The following DGKI variants were observed in gnomAD, a reference collection of about 807,000 sequenced individuals.
DGKI encodes the protein diacylglycerol kinase iota, also known as DAG kinase iota.
DGKI carries 55 observed loss-of-function variants against 147.5 expected under a neutral mutation model. The ratio of observed to expected loss-of-function variants is 0.37; its 90% CI spans 0.30 to 0.47. DGKI has a LOEUF of 0.47. Ranked by LOEUF, DGKI falls within the 20% of genes least tolerant of loss-of-function variation. DGKI has a pLI of 1.00. For missense variants in DGKI, 1,007 were observed against 1,323.8 expected (o/e 0.76, Z 3.71); for synonymous variants, 469 against 477.1 (o/e 0.98, Z 0.22).
chr7:137,577,227 C>T lies in DGKI; in HGVS notation c.1756G>A (p.Val586Ile). The stretch of plus-strand genomic sequence containing the variant: ...TCAACATATTCAATACTTACAACAA[C>T]TTTAACATGTTTGGATAGATCTCTA... ...SSRDLSKHVK[V>I]VCDGTDLTPK... is the part of the protein sequence containing the mutation. The change falls in exon 17 of 33, where the codon GTT becomes ATT. Residue 586 changes from valine (V) to isoleucine (I), a missense_variant. Transcript: ENST00000614521. 1.3e-6 allele frequency: 2 copies of T among 1,592,728 alleles called. No homozygotes were observed. The highest frequency in any genetic ancestry group is 8.6e-7 in the Non-Finnish European group (1 of 1,165,276).
At chr7:137,493,587 A>T (rs1815850607) in intron 21 of DGKI, among the ~76,000 whole-genome samples, 1 of 152,148 alleles carries the variant, frequency 6.6e-6, no homozygotes, top group African/African-American at 2.4e-5. Flanking sequence ...TATTCCAGAA[A>T]TGAAGCCAGT....
At chr7:137,559,339 G>T (rs190240338) in intron 19 of DGKI, among the ~76,000 whole-genome samples, 1 of 151,770 alleles carries the variant, frequency 6.6e-6, no homozygotes, top group East Asian at 1.9e-4. Context: ...CCAAAGTGCT[G>T]GGATTACAGG....
intron 10 of DGKI, 107 bp from the exon 11 acceptor site, chr7:137,600,012 G>A (rs775619964): frequency 1.7e-5 from 16 of 962,312 alleles, no homozygotes; most frequent in East Asian, 1.3e-4. Context: ...CACAGGGCAC[G>A]GTGGCACACG....
chr7:137,400,502 T>G (rs1345248318), intron 30 of DGKI, among the ~76,000 whole-genome samples: 5 of 152,182 alleles, frequency 3.3e-5, no homozygotes, highest in Non-Finnish European at 7.3e-5. Context: ...GGCTTTTAAT[T>G]GAGCTAGCAC....
chr7:137,491,643 G>C (rs1041265270), intron 21 of DGKI, among the ~76,000 whole-genome samples: 2 of 152,164 alleles, frequency 1.3e-5, no homozygotes, highest in African/African-American at 4.8e-5. Context: ...TGTACTCCAA[G>C]GAGTATTAGA....
At chr7:137,398,262 G>T (rs189403261) in intron 30 of DGKI, among the ~76,000 whole-genome samples, 2 of 152,106 alleles carry the variant, frequency 1.3e-5, no homozygotes, top group Non-Finnish European at 2.9e-5. Flanking sequence ...GGCAAGGGGG[G>T]ATATATGATC....
At chr7:137,406,930 C>CAAAAAAAAAAA (rs3046570) in intron 30 of DGKI, among the ~76,000 whole-genome samples, 1 of 92,542 alleles carries the variant, frequency 1.1e-5, no homozygotes, top group African/African-American at 4.3e-5. Context: ...TGCTGAATTG[C>CAAAAAAAAAAA]AAAAAAAAAA....
intron 20 of DGKI, among the ~76,000 whole-genome samples, chr7:137,541,488 CATGA>C (rs1817701748): frequency 1.3e-5 from 2 of 152,232 alleles, no homozygotes; most frequent in Middle Eastern, 3.4e-3. Context: ...ATTTAAAATA[CATGA>C]AAGTATGTAC....
intron 1 of DGKI, among the ~76,000 whole-genome samples, chr7:137,759,615 T>TA (rs1262195507): frequency 2.0e-5 from 3 of 152,226 alleles, no homozygotes; most frequent in African/African-American, 7.2e-5. Flanking sequence ...GTGCTAGGAT[T>TA]ACAGGCGTAA....
At chr7:137,434,530 G>A (rs1472813717) in intron 28 of DGKI, among the ~76,000 whole-genome samples, 3 of 152,162 alleles carry the variant, frequency 2.0e-5, no homozygotes, top group African/African-American at 7.2e-5. Context: ...GCAGTGAGCC[G>A]AGATTGTGCC....
chr7:137,707,957 C>A (rs939758983), intron 1 of DGKI, among the ~76,000 whole-genome samples: 3 of 152,150 alleles, frequency 2.0e-5, no homozygotes, highest in Non-Finnish European at 2.9e-5. Context: ...CAAATCTCCC[C>A]AAATTGTGAG....
intron 28 of DGKI, among the ~76,000 whole-genome samples, chr7:137,414,435 G>C (rs1812282636): frequency 6.6e-6 from 1 of 151,780 alleles, no homozygotes; most frequent in Non-Finnish European, 1.5e-5. Flanking sequence ...CACATTGTAG[G>C]TGCACACCAA....
intron 6 of DGKI, among the ~76,000 whole-genome samples, chr7:137,627,150 T>C (rs189970236): frequency 6.6e-6 from 1 of 152,334 alleles, no homozygotes; most frequent in Non-Finnish European, 1.5e-5. Flanking sequence ...CCTACCCCCA[T>C]TTCATATACA....
intron 1 of DGKI, among the ~76,000 whole-genome samples, chr7:137,835,221 G>A (rs1000362106): frequency 1.2e-4 from 19 of 152,084 alleles, no homozygotes; most frequent in South Asian, 4.1e-4. Context: ...GCCTCAAAAC[G>A]TACCTGTTTG....
intron 21 of DGKI, among the ~76,000 whole-genome samples, chr7:137,513,257 C>T (rs946600643): frequency 3.9e-5 from 6 of 152,126 alleles, no homozygotes; most frequent in East Asian, 1.9e-4. Context: ...TGGCTGTACT[C>T]GGGAGAACCT....
chr7:137,644,390 G>A (rs1235360577), intron 6 of DGKI, among the ~76,000 whole-genome samples: 1 of 152,216 alleles, frequency 6.6e-6, no homozygotes, highest in Non-Finnish European at 1.5e-5. Context: ...TAGCCTTCCA[G>A]AGAAGACCTT....
At chr7:137,644,180 G>C (rs1056114264) in intron 6 of DGKI, among the ~76,000 whole-genome samples, 1 of 152,208 alleles carries the variant, frequency 6.6e-6, no homozygotes, top group Non-Finnish European at 1.5e-5. Flanking sequence ...AGGACATGTA[G>C]GATGGCCAAT....
intron 23 of DGKI, among the ~76,000 whole-genome samples, chr7:137,475,742 A>G (rs548429652): frequency 1.3e-5 from 2 of 152,330 alleles, no homozygotes; most frequent in South Asian, 2.1e-4. Context: ...TCTGGCTCCA[A>G]TTCTTGGAGT....
Position 137,694,342 on chromosome 7 carries a change from T to C in DGKI, c.402-4340A>G, listed in dbSNP as rs995880015. ...CTCAAAAAAAAAAAAAAAAAATTTA[T>C]GGAAAACATGCAAATAAGCCAGAGA... On this transcript the variant is annotated intron_variant, in intron 1 of 32. Coordinates refer to ENST00000614521, the MANE Select transcript of DGKI (RefSeq NM_001321708.2). Among the ~76,000 whole-genome samples, 9 of 151,952 alleles carry C rather than the reference T, an allele frequency of 5.9e-5. 1 individual carries two copies. The highest frequency in any genetic ancestry group is 2.2e-4 in the African/African-American group (9 of 41,366).
Sources: allele counts gnomAD v4.1 joint callset (sites outside exome capture counted in the v4.1 genomes callset), GRCh38; gene constraint gnomAD v4.1.1; transcripts MANE v1.5; gene names NCBI Gene and HGNC (gene_info 2026-07-23, HGNC 2026-07-21).